The following RABL2B variants were observed in gnomAD, a reference collection of about 807,000 sequenced individuals.
The protein encoded by RABL2B is RAB, member of RAS oncogene family like 2B.
In RABL2B, 17 loss-of-function variants were observed where a neutral mutation model predicts 26.7. That is an observed-to-expected ratio of 0.64 (90% CI 0.44 to 0.95). The LOEUF is 0.95. Ranked by LOEUF, RABL2B falls within the 40% of genes least tolerant of loss-of-function variation. The pLI, the probability that RABL2B is intolerant of heterozygous loss-of-function variation, is 0.00. For missense variants in RABL2B, 170 were observed against 277.2 expected, an observed-to-expected ratio of 0.61 and a Z score of 2.75; for synonymous variants, 70 against 103.9, an observed-to-expected ratio of 0.67 and a Z score of 1.99.
intron 3 of RABL2B, 39 bp downstream of exon 3, chr22:50,777,913 C>T: frequency 1.9e-6 from 3 of 1,614,108 alleles, no homozygotes; most frequent in Non-Finnish European, 2.5e-6. Flanking sequence ...CGTGGGAAGA[C>T]CCACAGGAAC....
At chr22:50,782,051 C>T in intron 2 of RABL2B, 137 bp downstream of exon 2, 4 of 1,527,318 alleles carry the variant, frequency 2.6e-6, no homozygotes, top group Non-Finnish European at 3.6e-6. Flanking sequence ...CCTCGTTCCC[C>T]CATGAACATC....
chr22:50,769,283 T>C (rs1161177215), intron 7 of RABL2B, 159 bp from the exon 8 acceptor site: 82 of 1,139,654 alleles, frequency 7.2e-5, no homozygotes, highest in Admixed American at 2.2e-5. Context: ...GTATGGTCAA[T>C]GGACTTCTGC....
At chr22:50,774,459 G>A (rs1467106608) in intron 5 of RABL2B, among the ~76,000 whole-genome samples, 1 of 150,090 alleles carries the variant, frequency 6.7e-6, no homozygotes, top group Non-Finnish European at 1.5e-5. Context: ...GACAAACTGC[G>A]AAGAAACACG....
In RABL2B at chr22:50,768,679, G is replaced by A. The variant is rs1471180601; in HGVS notation, c.*97C>T. 1 of 1,495,514 alleles carries A rather than the reference G, an allele frequency of 6.7e-7. No individual in the cohort carries two copies. Among genetic ancestry groups the A allele is most frequent in the African/African-American group, 1.4e-5 (1 of 71,516 alleles). The allele number at this position is 1,495,514 out of a possible 1,614,324, so 92.6% of individuals were successfully genotyped here. On this transcript the variant is annotated 3_prime_UTR_variant, in exon 9 of 9. Transcript: ENST00000691320. ...GATGGGTGGGTTGCAGGAGGTAGAA[G>A]AGGGGATGGCCTAGAGAGTTTCTCC...
intron 5 of RABL2B, among the ~76,000 whole-genome samples, chr22:50,770,678 A>G (rs1490344341): frequency 6.6e-6 from 1 of 151,852 alleles, no homozygotes; most frequent in African/African-American, 2.4e-5. Context: ...TTTATTGCTT[A>G]AACTGTTTTA....
At chr22:50,771,050 T>G (rs868953425) in intron 5 of RABL2B, among the ~76,000 whole-genome samples, 3 of 150,690 alleles carry the variant, frequency 2.0e-5, no homozygotes, top group African/African-American at 7.4e-5. Context: ...CCCTGATTTT[T>G]TTTTTTTTTT....
intron 5 of RABL2B, chr22:50,772,187 C>G (rs1555919381): frequency 3.9e-6 from 1 of 258,342 alleles, no homozygotes; most frequent in East Asian, 1.8e-4. Context: ...CACCACCACG[C>G]CTGGCTAATT....
chr22:50,771,776 TTTTG>T (rs1472187090), intron 5 of RABL2B: 1 of 151,602 alleles, frequency 6.6e-6, no homozygotes, highest in African/African-American at 2.4e-5. Context: ...GCCTGGCTAA[TTTTG>T]TTTATTTTTT....
chr22:50,775,542 G>A (rs1448154904), intron 5 of RABL2B, among the ~76,000 whole-genome samples: 4 of 152,142 alleles, frequency 2.6e-5, no homozygotes, highest in African/African-American at 9.7e-5. Context: ...GAAGCCCTGA[G>A]CTTGCTGTTC....
rs150080465 is a variant in RABL2B, at chr22:50,768,844, C to T, written c.622G>A (p.Val208Met). ...CTGCTGCTCTGTTCCTGGTCTGGCA[C>T]GTCCTCCTCTTCCTGCTCCAAGCTG... ...NFSLEQEEED[V>M]PDQEQSSSIE... Residue 208 changes from valine to methionine, a missense_variant, in exon 9 of 9, where the codon GTG becomes ATG. Around this residue, in one of 2 missense-constraint regions of RABL2B, gnomAD observed 165 missense variants for 232.0 expected, o/e 0.71. Coordinates refer to ENST00000691320, the MANE Select transcript of RABL2B (RefSeq NM_001130919.3). The T allele has an allele frequency of 2.2e-5, 35 of 1,613,310 alleles. No homozygotes were observed. The highest frequency in any genetic ancestry group is 6.7e-5 in the African/African-American group (5 of 74,708).
At chr22:50,782,469 C>G (rs1555930643) in intron 1 of RABL2B, 122 bp from the exon 2 acceptor site, 1 of 1,458,522 alleles carries the variant, frequency 6.9e-7, no homozygotes, top group Middle Eastern at 2.2e-4. Context: ...ATGCAATTGA[C>G]TACTAGACTT....
intron 1 of RABL2B, chr22:50,783,055 G>A (rs200503395): frequency 6.6e-6 from 1 of 152,168 alleles, no homozygotes; most frequent in Non-Finnish European, 1.4e-5. Context: ...CCTGTAGAGA[G>A]AGCGACAGAA....
chr22:50,778,503 G>C (rs2085325968), intron 2 of RABL2B, among the ~76,000 whole-genome samples: 1 of 152,016 alleles, frequency 6.6e-6, no homozygotes, highest in Admixed American at 6.6e-5. Context: ...GAATCTGCTT[G>C]ATCTATTGGT....
intron 5 of RABL2B, among the ~76,000 whole-genome samples, chr22:50,773,937 G>C (rs8136016): frequency 1.3e-5 from 2 of 151,832 alleles, no homozygotes; most frequent in East Asian, 1.9e-4. Flanking sequence ...CTCTGTCGCC[G>C]AGGCTGGAGT....
Position 50,769,968 on chromosome 22 carries a change from A to T in RABL2B, c.346T>A (p.Tyr116Asn). The change falls in exon 6 of 9, where the codon TAT becomes AAT. Residue 116 changes from tyrosine (Y) to asparagine (N), a missense_variant. Around this residue, in one of 2 missense-constraint regions of RABL2B, gnomAD observed 165 missense variants for 232.0 expected, o/e 0.71. Transcript: ENST00000691320. ...GGCCTGAACTCCCGAAGCTCTGTAT[A>T]CCAGGTGCTCAGGTTCCTATAGGTG... ...KVTYRNLSTWYTELREFRPEI... is the reference protein window; with the variant it reads ...KVTYRNLSTWNTELREFRPEI... 1 of 1,613,818 alleles carries T rather than the reference A, an allele frequency of 6.2e-7. No homozygotes were observed. Among genetic ancestry groups the T allele is most frequent in the Non-Finnish European group, 8.5e-7 (1 of 1,179,852 alleles).
intron 5 of RABL2B, among the ~76,000 whole-genome samples, chr22:50,773,988 G>A (rs1322123843): frequency 4.6e-5 from 7 of 152,080 alleles, no homozygotes; most frequent in South Asian, 4.2e-4. Context: ...TCTGCCTCCC[G>A]GGTTCACGCC....
intron 2 of RABL2B, 108 bp from the exon 3 acceptor site, chr22:50,778,089 C>A: frequency 1.4e-6 from 2 of 1,432,212 alleles, no homozygotes; most frequent in Non-Finnish European, 2.0e-6. Flanking sequence ...GGCTTCCCTT[C>A]CCCCTTTCAC....
At chr22:50,776,924 CA>C (rs1203420319) in intron 3 of RABL2B, among the ~76,000 whole-genome samples, 175 bp from the exon 4 acceptor site, 2 of 152,108 alleles carry the variant, frequency 1.3e-5, no homozygotes, top group African/African-American at 4.8e-5. Context: ...ATCACTGGTA[CA>C]AACTCCATGG....
intron 2 of RABL2B, among the ~76,000 whole-genome samples, chr22:50,781,795 T>A (rs1444905529): frequency 6.6e-6 from 1 of 151,124 alleles, no homozygotes; most frequent in African/African-American, 2.4e-5. Context: ...TACCCAGTTT[T>A]CTCTATTTCA....
Sources: gnomAD v4.1 joint callset for allele counts (sites outside exome capture counted in the v4.1 genomes callset) on GRCh38, gnomAD v4.1.1 for gene constraint, gnomAD v4.1.1 regional missense constraint, MANE v1.5 for transcripts, NCBI Gene and HGNC (gene_info 2026-07-23, HGNC 2026-07-21) for gene names.